FAM222B: variants seen among roughly 807,000 people sequenced by gnomAD.
FAM222B encodes family with sequence similarity 222 member B, also known as protein FAM222B.
A neutral mutation model predicts 38.0 loss-of-function variants in FAM222B; 12 were observed. That is an observed-to-expected ratio of 0.32 (90% CI 0.20 to 0.51). FAM222B has a LOEUF of 0.51. Among genes scored for constraint, FAM222B ranks in the 20% least tolerant of loss-of-function variants. The pLI, the probability that FAM222B is intolerant of heterozygous loss-of-function variation, is 0.97. For missense variants in FAM222B, 716 were observed against 754.2 expected (o/e 0.95, Z 0.59); for synonymous variants, 329 against 317.2 (o/e 1.04, Z -0.40).
rs141161744 is a variant in FAM222B at position 28,850,992 on chromosome 17, G to A, written c.-41+3958C>T. On this transcript the variant is annotated intron_variant, in intron 1 of 2. Transcript: ENST00000577513. ...AAATTAGCCGGGCTTGGTGGGGTGC[G>A]CCTGTAATCCCACCTACTCAGGAGG... Among the ~76,000 whole-genome samples, 550 of 151,724 alleles carry A rather than the reference G, an allele frequency of 3.6e-3. 4 individuals carry two copies. Among genetic ancestry groups the A allele is most frequent in the African/African-American group, 0.013 (528 of 41,388 alleles).
intron 2 of FAM222B, among the ~76,000 whole-genome samples, chr17:28,764,030 A>G (rs2035210634): frequency 6.6e-6 from 1 of 152,176 alleles, no homozygotes; most frequent in Non-Finnish European, 1.5e-5. Flanking sequence ...AGGACCTTTT[A>G]TCAGCTATTC....
chr17:28,802,695 T>C, intron 1 of FAM222B: 1 of 171,266 alleles, frequency 5.8e-6, no homozygotes, highest in Non-Finnish European at 1.3e-5. Flanking sequence ...TCACACAGTG[T>C]ATCCCTGCGT....
intron 1 of FAM222B, chr17:28,777,068 G>C (rs2035930175): frequency 6.6e-6 from 1 of 152,102 alleles, no homozygotes; most frequent in Admixed American, 6.6e-5. Flanking sequence ...TTTAGCCATT[G>C]CTCAAAGGCC....
At chr17:28,799,390 C>T (rs554992821) in intron 1 of FAM222B, among the ~76,000 whole-genome samples, 8 of 150,692 alleles carry the variant, frequency 5.3e-5, no homozygotes, top group South Asian at 2.1e-4. Flanking sequence ...CTCTGCCTCT[C>T]GGGTTCAAGC....
rs780959731 is a variant in FAM222B at position 28,766,697 on chromosome 17, A to G, written c.-30T>C. ...GATTGGCATCAACACAACATGGGGC[A>G]GTGGCTCACACTGTAATGAACAAAA... On this transcript the variant is annotated 5_prime_UTR_variant, in exon 2 of 3. Coordinates refer to ENST00000581407, the MANE Select transcript of FAM222B (RefSeq NM_001077498.3). The G allele has an allele frequency of 1.3e-6, 2 of 1,547,948 alleles. No individual in the cohort carries two copies. The highest frequency in any genetic ancestry group is 3.7e-5 in the Admixed American group (2 of 54,618).
intron 1 of FAM222B, chr17:28,849,574 A>G (rs1247731798): frequency 6.6e-6 from 1 of 152,298 alleles, no homozygotes; most frequent in Non-Finnish European, 1.5e-5. Context: ...GCAACACCCA[A>G]GGTTGGTAAC....
chr17:28,833,439 A>G (rs1213086617), intron 1 of FAM222B, among the ~76,000 whole-genome samples: 1 of 151,658 alleles, frequency 6.6e-6, no homozygotes, highest in African/African-American at 2.4e-5. Context: ...CAACATGGTG[A>G]AACCCCGTCT....
intron 1 of FAM222B, among the ~76,000 whole-genome samples, chr17:28,769,023 CTTAA>C (rs1184562326): frequency 6.6e-6 from 1 of 152,018 alleles, no homozygotes; most frequent in Non-Finnish European, 1.5e-5. Flanking sequence ...GTGATGTTTT[CTTAA>C]TTGAGTCTCT....
intron 1 of FAM222B, among the ~76,000 whole-genome samples, chr17:28,826,887 T>A (rs1291786431): frequency 6.6e-6 from 1 of 152,000 alleles, no homozygotes; most frequent in East Asian, 1.9e-4. Context: ...CCACCTGTAA[T>A]CCCAGCACTT....
chr17:28,761,962 A>G (rs907750120), intron 2 of FAM222B: 3 of 152,076 alleles, frequency 2.0e-5, no homozygotes, highest in Non-Finnish European at 4.4e-5. Context: ...TCTCCTTGAA[A>G]TCCAAGTAGA....
intron 2 of FAM222B, 115 bp downstream of exon 2, chr17:28,766,471 A>G: frequency 1.2e-6 from 1 of 802,630 alleles, no homozygotes; most frequent in Non-Finnish European, 2.0e-6. Flanking sequence ...AAAAAAAAAA[A>G]AAGAAAGGTG....
chr17:28,838,534 C>G (rs1483133950), intron 1 of FAM222B, among the ~76,000 whole-genome samples: 1 of 147,998 alleles, frequency 6.8e-6, no homozygotes, highest in South Asian at 2.1e-4. Flanking sequence ...GAGCCGAGAT[C>G]GCGTCACTGC....
rs370675163 is a variant in FAM222B at position 28,759,170 on chromosome 17, C to G, written c.789G>C (p.Pro263=). The change falls in exon 3 of 3, where the codon CCG becomes CCC. Residue 263 remains proline (P), a synonymous_variant. Coordinates refer to ENST00000581407, the MANE Select transcript of FAM222B (RefSeq NM_001077498.3). The surrounding 1 kb of genome is among the most constrained non-coding windows in gnomAD (Gnocchi z 4.8). ...MAATLQHSQP[P]DLSSIVHQIN... is the part of the protein sequence containing the mutation. ...TCTGGTGCACGATGCTACTCAGGTC[C>G]GGAGGCTGGCTGTGCTGCAGAGTGG... 2.5e-6 allele frequency: 4 copies of G among 1,612,824 alleles called. No homozygotes were observed. Among genetic ancestry groups the G allele is most frequent in the African/African-American group, 1.3e-5 (1 of 74,996 alleles).
At chr17:28,804,635 C>G (rs2037395121) in intron 1 of FAM222B, among the ~76,000 whole-genome samples, 1 of 151,988 alleles carries the variant, frequency 6.6e-6, no homozygotes, top group Non-Finnish European at 1.5e-5. Context: ...TGCCTGGCCT[C>G]TAATATAGAT....
Position 28,759,223 on chromosome 17 carries a change from T to C in FAM222B, c.736A>G (p.Thr246Ala). The C allele has an allele frequency of 1.2e-6, 2 of 1,613,122 alleles. No individual in the cohort carries two copies. The highest frequency in any genetic ancestry group is 1.7e-6 in the Non-Finnish European group (2 of 1,179,654). The stretch of plus-strand genomic sequence containing the variant: ...GCCATTGAAAGGGGGATAGTTGAGG[T>C]AGACACGGTCACATTCGGGGGGGCA... Reference protein sequence around the residue: ...SDAPPNVTVSTSTIPLSMAAT... With the variant: ...SDAPPNVTVSASTIPLSMAAT... The change falls in exon 3 of 3, where the codon ACC (threonine) becomes GCC (alanine). Residue 246 changes from threonine to alanine, a missense_variant. Thr to Ala is a moderately conservative substitution (Grantham distance 58). Transcript: ENST00000581407. The surrounding 1 kb of genome is among the most constrained non-coding windows in gnomAD (Gnocchi z 4.8).
At chr17:28,766,753 CGAA>C in intron 1 of FAM222B, 46 bp from the exon 2 acceptor site, 1 of 1,104,866 alleles carries the variant, frequency 9.1e-7, no homozygotes, top group East Asian at 2.6e-5. Context: ...GCAACTCATT[CGAA>C]GAAGAGAGTA....
Position 28,759,464 on chromosome 17 carries a change from G to A in FAM222B, c.495C>T (p.Ala165=), listed in dbSNP as rs749027205. The change falls in exon 3 of 3, where the codon GCC becomes GCT. Residue 165 remains alanine (A), a synonymous_variant. Transcript: ENST00000581407. This position sits in a 1 kb window ranked among gnomAD's most constrained non-coding sequence, Gnocchi z 4.8. ...QQALQHAQTL[A]HAPPQTLQHP... is the part of the protein sequence containing the mutation. ...GCTGCAGCGTCTGGGGAGGGGCATG[G>A]GCCAGGGTCTGTGCATGCTGCAGGG... is the stretch of plus-strand genomic sequence containing the variant. 1.3e-6 allele frequency: 2 copies of A among 1,572,106 alleles called. No homozygotes were observed. Among genetic ancestry groups the A allele is most frequent in the South Asian group, 1.2e-5 (1 of 83,384 alleles).
chr17:28,791,051 G>A (rs1377033060), intron 1 of FAM222B, among the ~76,000 whole-genome samples: 1 of 151,298 alleles, frequency 6.6e-6, no homozygotes, highest in Non-Finnish European at 1.5e-5. Flanking sequence ...GGGACTACAG[G>A]TGCCCGCCAC....
At chr17:28,790,915 TA>T (rs2036651720) in intron 1 of FAM222B, among the ~76,000 whole-genome samples, 1 of 121,084 alleles carries the variant, frequency 8.3e-6, no homozygotes, top group Admixed American at 9.0e-5. Flanking sequence ...TTTTTTTTTT[TA>T]GAGACAGAAT....
Sources: allele counts gnomAD v4.1 joint callset (sites outside exome capture counted in the v4.1 genomes callset), GRCh38; gene constraint gnomAD v4.1.1; non-coding constraint Gnocchi (gnomAD v3.1); transcripts MANE v1.5; gene names NCBI Gene and HGNC (gene_info 2026-07-23, HGNC 2026-07-21).